Variants in PKD2L1 observed in about 807,000 individuals in gnomAD.
PKD2L1 encodes the protein polycystin 2 like 1, transient receptor potential cation channel.
A neutral mutation model predicts 93.0 loss-of-function variants in PKD2L1; 77 were observed. The ratio of observed to expected loss-of-function variants is 0.83; its 90% CI spans 0.69 to 1.00. PKD2L1 has a LOEUF of 1.00. PKD2L1 is among the 50% of genes least tolerant of loss of function. The pLI, the probability that PKD2L1 is intolerant of heterozygous loss-of-function variation, is 0.00. For synonymous variants in PKD2L1, 390 were observed against 388.0 expected (o/e 1.01, Z -0.06); for missense variants, 977 against 990.9 (o/e 0.99, Z 0.19).
At position 100,323,839 on chromosome 10, in the gene PKD2L1, A is replaced by T. The variant is rs936310391; in HGVS notation, c.349+5372T>A. On this transcript the variant is annotated intron_variant, in intron 2 of 15. Coordinates refer to ENST00000318222, the MANE Select transcript of PKD2L1 (RefSeq NM_016112.3). ...ATAAACTTTATTTATTTATTTATTT[A>T]TTTTTTGAGACAGAGTCTTTCTCTG... Among the ~76,000 whole-genome samples, 11 of 151,118 alleles carry T rather than the reference A, an allele frequency of 7.3e-5. No homozygotes were observed. In the East Asian group the frequency reaches 7.8e-4, roughly 11 times the overall value.
At chr10:100,317,489 T>C (rs1849126401) in intron 2 of PKD2L1, among the ~76,000 whole-genome samples, 1 of 152,022 alleles carries the variant, frequency 6.6e-6, no homozygotes, top group Non-Finnish European at 1.5e-5. Context: ...CAGTGAGCCC[T>C]GATCACAGCA....
chr10:100,295,428 TAAAAAAAAAAAA>T (rs751427378), intron 7 of PKD2L1, among the ~76,000 whole-genome samples: 1 of 71,226 alleles, frequency 1.4e-5, no homozygotes, highest in African/African-American at 5.6e-5. Context: ...CTGGGACCAT[TAAAAAAAAAAAA>T]AAAAAAAAAA....
chr10:100,294,644 A>C lies in PKD2L1; in HGVS notation c.1550T>G (p.Phe517Cys), dbSNP rs1848481361. The part of the protein sequence containing the change: ...STFIKCIFTQ[F>C]RIILGDFDYN... ...GTCAAAGTCCCCGAGGATTATCCGGAACTGAGTGAAACTGAGAGACCAGGT... is the reference window on the plus strand; with the variant it reads ...GTCAAAGTCCCCGAGGATTATCCGGCACTGAGTGAAACTGAGAGACCAGGT... Residue 517 changes from phenylalanine to cysteine, a missense_variant, in exon 9 of 16, where the codon TTC (phenylalanine) becomes TGC (cysteine). By Grantham distance (205) the Phe-to-Cys change is radical (BLOSUM62 -2). Coordinates refer to ENST00000318222, the MANE Select transcript of PKD2L1 (RefSeq NM_016112.3). 1.2e-6 allele frequency: 2 copies of C among 1,613,968 alleles called. No individual in the cohort carries two copies. The highest frequency in any genetic ancestry group is 2.7e-5 in the African/African-American group (2 of 74,892).
Position 100,298,622 on chromosome 10 carries a change from T to G in PKD2L1, c.671A>C (p.Tyr224Ser). ...TTCTTTGTCTGGAGAGTAGACATCA[T>G]AGCAGCTCAGAATGTCCTCCCGGAA... ...EDFREDILSC[Y>S]DVYSPDKEEQ... is the part of the protein sequence containing the mutation. Residue 224 changes from tyrosine (Y) to serine (S), a missense_variant, in exon 4 of 16, where the codon TAT becomes TCT. Physicochemically the swap from Tyr to Ser is moderately radical, Grantham distance 144. Transcript: ENST00000318222. The G allele has an allele frequency of 6.2e-7, 1 of 1,614,086 alleles. No homozygotes were observed. Among genetic ancestry groups the G allele is most frequent in the Non-Finnish European group, 8.5e-7 (1 of 1,179,942 alleles).
chr10:100,297,702 TTGTGTGTGTGTGTGTGTGTG>T (rs60373525), intron 4 of PKD2L1, 96 bp from the exon 5 acceptor site: 26 of 607,428 alleles, frequency 4.3e-5, no homozygotes, highest in African/African-American at 2.7e-4. Context: ...GGTTTACATA[TTGTGTGTGTGTGTGTGTGTG>T]TGTGTGTGTG....
In PKD2L1 at chr10:100,288,229, A is replaced by C; in HGVS notation, c.*167T>G. 1.6e-6 allele frequency: 1 copy of C among 621,852 alleles called. No individual in the cohort carries two copies. Among genetic ancestry groups the C allele is most frequent in the Non-Finnish European group, 2.9e-6 (1 of 346,036 alleles). 38.5% of individuals were successfully genotyped at this position (621,852 alleles called of 1,614,324 possible). A position where few individuals can be genotyped will look rare whatever the true frequency, so the allele number is the denominator to read the frequency against. On this transcript the variant is annotated 3_prime_UTR_variant, in exon 16 of 16. Transcript: ENST00000318222. ...AGAATAATGTCAGAACCCACCACAT[A>C]TTAATTCAAAGATCTCTGAATCCTG...
intron 2 of PKD2L1, among the ~76,000 whole-genome samples, chr10:100,313,785 C>T (rs554583488): frequency 6.6e-6 from 1 of 152,226 alleles, no homozygotes; most frequent in Admixed American, 6.5e-5. Flanking sequence ...ATCAATAATT[C>T]ATCATTGTTT....
intron 2 of PKD2L1, among the ~76,000 whole-genome samples, chr10:100,303,191 G>GTTTTTTTTTTT (rs146131470): frequency 3.1e-5 from 4 of 128,998 alleles, no homozygotes; most frequent in Non-Finnish European, 4.8e-5. Flanking sequence ...ACATCAAACT[G>GTTTTTTTTTTT]TTTTTTTGTT....
At position 100,292,986 on chromosome 10, in the gene PKD2L1, C is replaced by T; in HGVS notation, c.1842G>A (p.Gln614=). The T allele has an allele frequency of 6.2e-7, 1 of 1,614,188 alleles. No individual in the cohort carries two copies. Among genetic ancestry groups the T allele is most frequent in the Non-Finnish European group, 8.5e-7 (1 of 1,180,014 alleles). Residue 614 remains glutamine (Q), a synonymous_variant, in exon 11 of 16, where the codon CAG becomes CAA. Transcript: ENST00000318222. The part of the protein sequence containing the change: ...DVQKVLQGGE[Q]EIQFEDFTNT... The stretch of plus-strand genomic sequence containing the variant: ...TGGTGAAATCCTCAAACTGGATCTC[C>T]TGCTCCCCACCCTGCAGGACCTTCT...
chr10:100,308,996 C>T (rs572556769), intron 2 of PKD2L1, among the ~76,000 whole-genome samples: 137 of 152,128 alleles, frequency 9.0e-4, no homozygotes, highest in Non-Finnish European at 1.8e-3. Flanking sequence ...ATAACAGTAT[C>T]TAAATCTGTA....
chr10:100,300,363 C>G (rs1465031273), intron 2 of PKD2L1, among the ~76,000 whole-genome samples: 1 of 151,286 alleles, frequency 6.6e-6, no homozygotes. Context: ...CCCTGTGATT[C>G]TCCCTGTGCA....
rs778268001 is a variant in PKD2L1 at position 100,288,411 on chromosome 10, C to T, written c.2403G>A (p.Thr801=). Residue 801 remains threonine, a synonymous_variant, in exon 16 of 16, where the codon ACG becomes ACA. Coordinates refer to ENST00000318222, the MANE Select transcript of PKD2L1 (RefSeq NM_016112.3). ...TGCCTCACACTTAACTCCTCTGCAA[C>T]GTTGGAATCTCACCACGGGAGAGTC... ...ERRLSRGEIP[T]LQRS is the part of the protein sequence containing the mutation. The T allele has an allele frequency of 6.2e-6, 10 of 1,610,366 alleles. No homozygotes were observed. The African/African-American group carries it at 6.7e-5, about 11-fold the overall frequency.
rs369278891 is a variant in PKD2L1, at chr10:100,294,626, T to G, written c.1568A>C (p.Asp523Ala). Reference protein sequence around the residue: ...IFTQFRIILGDFDYNAIDNAN... With the variant: ...IFTQFRIILGAFDYNAIDNAN... ...ATTGTCGATAGCATTGTAGTCAAAGTCCCCGAGGATTATCCGGAACTGAGT... is the reference window on the plus strand; with the variant it reads ...ATTGTCGATAGCATTGTAGTCAAAGGCCCCGAGGATTATCCGGAACTGAGT... Residue 523 changes from aspartate (D) to alanine (A), a missense_variant, in exon 9 of 16, where the codon GAC becomes GCC. Transcript: ENST00000318222. 56 of 1,613,638 alleles carry G rather than the reference T, an allele frequency of 3.5e-5. No homozygotes were observed. The highest frequency in any genetic ancestry group is 4.5e-5 in the Non-Finnish European group (53 of 1,179,946).
intron 2 of PKD2L1, among the ~76,000 whole-genome samples, chr10:100,313,939 G>A (rs1848993462): frequency 6.6e-6 from 1 of 152,018 alleles, no homozygotes; most frequent in South Asian, 2.1e-4. Flanking sequence ...CCATATAAAG[G>A]GAAATCATAT....
chr10:100,308,336 C>CTT lies in PKD2L1; in HGVS notation c.350-8620_350-8619dup, dbSNP rs1160550309. On this transcript the variant is annotated intron_variant, in intron 2 of 15. Transcript: ENST00000318222. ...CAGATAACTCAGATTTAGAATGTTG[C>CTT]TTTTTTTTTTTTCTCGAGATGGAGT... 2.0e-4 allele frequency among the ~76,000 whole-genome samples: 29 copies of CTT among 145,474 alleles called. 1 individual carries two copies. Among genetic ancestry groups the CTT allele is most frequent in the African/African-American group, 6.5e-4 (26 of 39,968 alleles).
rs1294508325 is a variant in PKD2L1, at chr10:100,297,473, G to A, written c.865C>T (p.Gln289Ter). 8.1e-6 allele frequency: 13 copies of A among 1,614,156 alleles called. No homozygotes were observed. In the Middle Eastern group the frequency reaches 4.9e-4, roughly 61 times the overall value. Residue 289 changes from glutamine to a stop codon, truncating the protein, a stop_gained, in exon 5 of 16, where the codon CAG becomes TAG. Coordinates refer to ENST00000318222, the MANE Select transcript of PKD2L1 (RefSeq NM_016112.3). LOFTEE classifies it high-confidence loss of function. ...QGSAEALRALQEGLWLDRGTR... is the reference protein window; with the variant it reads ...QGSAEALRAL ...CCCCTGTCCAGCCACAGCCCCTCCTGAAGGGCCCGGAGAGCCTCTGCACTA... is the reference window on the plus strand; with the variant it reads ...CCCCTGTCCAGCCACAGCCCCTCCTAAAGGGCCCGGAGAGCCTCTGCACTA...
intron 2 of PKD2L1, among the ~76,000 whole-genome samples, chr10:100,313,586 T>C (rs1161865233): frequency 6.6e-6 from 1 of 152,254 alleles, no homozygotes; most frequent in Non-Finnish European, 1.5e-5. Flanking sequence ...GATTACAGGA[T>C]AATCAACACC....
At chr10:100,300,496 C>T (rs1185173117) in intron 2 of PKD2L1, among the ~76,000 whole-genome samples, 1 of 152,132 alleles carries the variant, frequency 6.6e-6, no homozygotes, top group Non-Finnish European at 1.5e-5. Flanking sequence ...GTAGGGAGCA[C>T]TAAGTTTTGT....
At chr10:100,293,924 T>C (rs1440193274) in intron 9 of PKD2L1, among the ~76,000 whole-genome samples, 3 of 152,094 alleles carry the variant, frequency 2.0e-5, no homozygotes, top group Non-Finnish European at 4.4e-5. Context: ...CTGGGCAACA[T>C]AGCAAAACAC....
Sources: gnomAD v4.1 joint callset for allele counts (sites outside exome capture counted in the v4.1 genomes callset) on GRCh38, gnomAD v4.1.1 for gene constraint, MANE v1.5 for transcripts, NCBI Gene and HGNC (gene_info 2026-07-23, HGNC 2026-07-21) for gene names.